Variants in KDM4A observed in about 807,000 individuals in gnomAD.
The protein encoded by KDM4A is lysine demethylase 4A.
In KDM4A, 23 loss-of-function variants were observed where a neutral mutation model predicts 127.1. The observed-to-expected ratio is 0.18, with a 90% CI of 0.13 to 0.26. The LOEUF is 0.26. Among genes scored for constraint, KDM4A ranks in the 10% least tolerant of loss-of-function variants. The pLI, the probability that KDM4A is intolerant of heterozygous loss-of-function variation, is 1.00. For missense variants in KDM4A, 890 were observed against 1,329.1 expected (o/e 0.67, Z 5.14); for synonymous variants, 443 against 466.5 (o/e 0.95, Z 0.65).
Position 43,691,067 on chromosome 1 carries a change from TTC to T in KDM4A, c.2242+22_2242+23del. ...CCATGCCAGTGAGTGCTGCTCACCT[TTC>T]TCTGTGTCCTGTCCCAGGAGTATGG... is the stretch of plus-strand genomic sequence containing the variant. On this transcript the variant is annotated intron_variant, in intron 14 of 21. Transcript: ENST00000372396. 2 of 1,612,900 alleles carry T rather than the reference TTC, an allele frequency of 1.2e-6. No homozygotes were observed. Among genetic ancestry groups the T allele is most frequent in the South Asian group, 2.2e-5 (2 of 91,034 alleles).
intron 11 of KDM4A, among the ~76,000 whole-genome samples, chr1:43,678,290 G>A (rs1374277784): frequency 2.0e-5 from 3 of 152,128 alleles, no homozygotes; most frequent in African/African-American, 7.2e-5. Context: ...GCACTGGTGG[G>A]CATGGAAGAA....
rs1026650657 is a variant in KDM4A, at chr1:43,693,250, G to C, written c.2376-744G>C. Among the ~76,000 whole-genome samples the C allele has an allele frequency of 6.6e-6, 1 of 152,214 alleles. No homozygotes were observed. Among genetic ancestry groups the C allele is most frequent in the Non-Finnish European group, 1.5e-5 (1 of 68,040 alleles). On this transcript the variant is annotated intron_variant, in intron 16 of 21. Transcript: ENST00000372396. This position sits in a 1 kb window ranked among gnomAD's most constrained non-coding sequence, Gnocchi z 4.2. ...CTGTTCTGCCCTCCAGGGCCACACA[G>C]AACAAATCTGTTCCCACTCTAAAAA...
At chr1:43,700,361 A>C (rs1240015883) in intron 19 of KDM4A, among the ~76,000 whole-genome samples, 1 of 149,570 alleles carries the variant, frequency 6.7e-6, no homozygotes, top group Non-Finnish European at 1.5e-5. Flanking sequence ...AACTGGGCTC[A>C]AGCAATCCGC....
chr1:43,653,437 G>T (rs868697457), intron 2 of KDM4A, 124 bp downstream of exon 2: 12 of 883,018 alleles, frequency 1.4e-5, no homozygotes, highest in Middle Eastern at 3.6e-4. Flanking sequence ...TTTAGTGAAT[G>T]CGGTTCTATT....
Position 43,694,591 on chromosome 1 carries a change from T to C in KDM4A, c.2485-118T>C. 1 of 802,332 alleles carries C rather than the reference T, an allele frequency of 1.2e-6. No homozygotes were observed. Among genetic ancestry groups the C allele is most frequent in the Non-Finnish European group, 2.0e-6 (1 of 493,518 alleles). The allele number at this position is 802,332 out of a possible 1,614,324, so 49.7% of individuals were successfully genotyped here. On this transcript the variant is annotated intron_variant, in intron 17 of 21. Transcript: ENST00000372396. This position sits in a 1 kb window ranked among gnomAD's most constrained non-coding sequence, Gnocchi z 5.2. ...TGGATTAGAGCAGGCTGGTGTGTCC[T>C]TGTATTTTGGGAAGGGGCTGGCTCT...
At chr1:43,695,778 T>C (rs1398953298) in intron 18 of KDM4A, among the ~76,000 whole-genome samples, 1 of 152,012 alleles carries the variant, frequency 6.6e-6, no homozygotes, top group Non-Finnish European at 1.5e-5. Context: ...ACATTTAACT[T>C]TGAGATCCTC....
intron 18 of KDM4A, 92 bp from the exon 19 acceptor site, chr1:43,697,751 C>A: frequency 8.3e-7 from 1 of 1,206,696 alleles, no homozygotes; most frequent in Non-Finnish European, 1.2e-6. Flanking sequence ...GCTTATCTTT[C>A]CCTGATAAGG....
intron 9 of KDM4A, among the ~76,000 whole-genome samples, chr1:43,668,582 C>T (rs1490447769): frequency 6.6e-6 from 1 of 152,026 alleles, no homozygotes; most frequent in African/African-American, 2.4e-5. Flanking sequence ...ATATGAGGGT[C>T]GGGGGCATTT....
At chr1:43,686,064 GAT>G (rs1199010806) in intron 12 of KDM4A, among the ~76,000 whole-genome samples, 1 of 151,528 alleles carries the variant, frequency 6.6e-6, no homozygotes, top group Non-Finnish European at 1.5e-5. Flanking sequence ...TCTCTAGTCA[GAT>G]ATTAGAGTAT....
At chr1:43,665,163 T>C (rs1296295529) in intron 5 of KDM4A, among the ~76,000 whole-genome samples, 1 of 152,162 alleles carries the variant, frequency 6.6e-6, no homozygotes, top group East Asian at 1.9e-4. Context: ...AGGTAATTGA[T>C]TGTTGGGTAA....
chr1:43,698,874 A>T (rs1170764174), intron 19 of KDM4A, among the ~76,000 whole-genome samples: 3 of 152,018 alleles, frequency 2.0e-5, no homozygotes, highest in Admixed American at 6.6e-5. Flanking sequence ...CTGCAGCCTC[A>T]ACTTCCTGGA....
chr1:43,660,113 G>A (rs1660337477), intron 3 of KDM4A, among the ~76,000 whole-genome samples, 185 bp from the exon 4 acceptor site: 1 of 152,200 alleles, frequency 6.6e-6, no homozygotes, highest in African/African-American at 2.4e-5. Context: ...GGCTTCCTCA[G>A]GCCCAGTGCT....
In KDM4A at chr1:43,690,980, CCTT is replaced by C; in HGVS notation, c.2174_2176del (p.Pro725_Tyr726delinsHis). ...CAGCACGGACATCAACCTTTCTACT[CCTT>C]ATCTTGAGGAGGATGGCACCAGCAT... On this transcript the variant is annotated inframe_deletion, in exon 14 of 22. Transcript: ENST00000372396. The C allele has an allele frequency of 6.2e-7, 1 of 1,614,228 alleles. No homozygotes were observed. The highest frequency in any genetic ancestry group is 8.5e-7 in the Non-Finnish European group (1 of 1,180,042).
chr1:43,659,584 T>C (rs1660324572), intron 3 of KDM4A, among the ~76,000 whole-genome samples: 1 of 152,192 alleles, frequency 6.6e-6, no homozygotes, highest in African/African-American at 2.4e-5. Context: ...CCTCCCAAAG[T>C]GCTGGGATAA....
Position 43,662,941 on chromosome 1 carries a change from G to C in KDM4A, c.477G>C (p.Leu159Phe). ...GCCGGCTGAGAACAATCCTGGACTT[G>C]GTGGAAAAGGAGAGTGGGATCACCA... ...NIGRLRTILD[L>F]VEKESGITIE... is the part of the protein sequence containing the mutation. Residue 159 changes from leucine (L) to phenylalanine (F), a missense_variant, in exon 5 of 22, where the codon TTG becomes TTC. Physicochemically the swap from Leu to Phe is conservative, Grantham distance 22 (BLOSUM62 0). Transcript: ENST00000372396. 1.9e-6 allele frequency: 3 copies of C among 1,614,132 alleles called. No individual in the cohort carries two copies. The highest frequency in any genetic ancestry group is 2.2e-5 in the East Asian group (1 of 44,886).
At chr1:43,682,497 T>C (rs4660257) in intron 11 of KDM4A, among the ~76,000 whole-genome samples, 34,713 of 152,130 alleles carry the variant, frequency 0.23, 4,631 homozygotes, top group Non-Finnish European at 0.3. Flanking sequence ...CTCCACCATA[T>C]TCCTCCATAC....
chr1:43,691,509 C>T lies in KDM4A; in HGVS notation c.2256C>T (p.Val752=), dbSNP rs141609782. The change falls in exon 15 of 22, where the codon GTC becomes GTT. Residue 752 remains valine, a synonymous_variant. Transcript: ENST00000372396. ...TGTCCCTGTTAGGTTGCTATGGGGT[C>T]CCCCCTGCAAAGGCTTCTGAAGACT... The part of the protein sequence containing the change: ...SVRVHASCYG[V]PPAKASEDWM... The T allele has an allele frequency of 2.7e-3, 4,410 of 1,612,740 alleles. 10 individuals are homozygous for T. Among genetic ancestry groups the T allele is most frequent in the Non-Finnish European group, 3.1e-3 (3,703 of 1,179,366 alleles).
rs533043041 is a variant in KDM4A at position 43,669,052 on chromosome 1, A to G, written c.1164-48A>G. 2.5e-6 allele frequency: 4 copies of G among 1,591,434 alleles called. 1 individual carries two copies. In the Admixed American group the frequency reaches 6.7e-5, roughly 27 times the overall value. On this transcript the variant is annotated intron_variant, in intron 9 of 21. Transcript: ENST00000372396. ...GGATGTGTATGAATGTGTTTGAGTA[A>G]GTGGATGTATATGTGGGCTCTTAAA... is the stretch of plus-strand genomic sequence containing the variant.
At chr1:43,651,335 G>T (rs660899) in intron 1 of KDM4A, among the ~76,000 whole-genome samples, 43,981 of 152,136 alleles carry the variant, frequency 0.29, 6,750 homozygotes, top group Non-Finnish European at 0.35. Flanking sequence ...GTGCACTTAA[G>T]AGTGGGCTGT....
Sources: allele counts gnomAD v4.1 joint callset (sites outside exome capture counted in the v4.1 genomes callset), GRCh38; gene constraint gnomAD v4.1.1; non-coding constraint Gnocchi (gnomAD v3.1); transcripts MANE v1.5; gene names NCBI Gene and HGNC (gene_info 2026-07-23, HGNC 2026-07-21).